The following NRXN3 variants were observed in gnomAD, a reference collection of about 807,000 sequenced individuals.
The protein encoded by NRXN3 is neurexin III.
In NRXN3, 32 loss-of-function variants were observed where a neutral mutation model predicts 137.6. The ratio of observed to expected loss-of-function variants is 0.23; its 90% CI spans 0.18 to 0.31. The LOEUF is 0.31. NRXN3 is among the 10% of genes least tolerant of loss of function. The pLI, the probability that NRXN3 is intolerant of heterozygous loss-of-function variation, is 1.00. For synonymous variants in NRXN3, 798 were observed against 784.5 expected, an observed-to-expected ratio of 1.02 and a Z score of -0.29; for missense variants, 1,574 against 2,062.5, an observed-to-expected ratio of 0.76 and a Z score of 4.59.
At chr14:78,735,408 C>T (rs1173560013) in intron 8 of NRXN3, among the ~76,000 whole-genome samples, 2 of 152,038 alleles carry the variant, frequency 1.3e-5, no homozygotes, top group African/African-American at 4.8e-5. Flanking sequence ...GGAAATAACC[C>T]CTGGAGTCTG....
At chr14:79,118,473 T>G (rs2054845459) in intron 15 of NRXN3, among the ~76,000 whole-genome samples, 2 of 152,110 alleles carry the variant, frequency 1.3e-5, no homozygotes, top group Admixed American at 6.5e-5. Context: ...CTCAGAGCAC[T>G]TTTTTTTCTT....
intron 1 of NRXN3, among the ~76,000 whole-genome samples, chr14:78,209,494 C>A (rs949448064): frequency 6.6e-6 from 1 of 152,166 alleles, no homozygotes; most frequent in Non-Finnish European, 1.5e-5. Context: ...AATTGACTTA[C>A]AGTTCGGCAT....
At chr14:78,449,358 A>G (rs1231386545) in intron 4 of NRXN3, among the ~76,000 whole-genome samples, 1 of 152,178 alleles carries the variant, frequency 6.6e-6, no homozygotes, top group Non-Finnish European at 1.5e-5. Flanking sequence ...GACCACAGTC[A>G]CAAGCCACCA....
At chr14:78,558,584 A>T (rs1365179363) in intron 4 of NRXN3, among the ~76,000 whole-genome samples, 1 of 152,064 alleles carries the variant, frequency 6.6e-6, no homozygotes, top group Non-Finnish European at 1.5e-5. Flanking sequence ...TACTTCCTTT[A>T]GGGGGCATCT....
At chr14:79,817,486 C>T (rs2099255308) in intron 20 of NRXN3, among the ~76,000 whole-genome samples, 1 of 152,202 alleles carries the variant, frequency 6.6e-6, no homozygotes. Context: ...ATTAGCACTT[C>T]CTTTAGTGAA....
At chr14:78,785,671 G>A (rs1412255454) in intron 8 of NRXN3, among the ~76,000 whole-genome samples, 1 of 152,160 alleles carries the variant, frequency 6.6e-6, no homozygotes, top group Non-Finnish European at 1.5e-5. Context: ...GTAGTAGCCT[G>A]CGTATGATGC....
At chr14:79,811,951 GTGCTTT>G (rs2099235466) in intron 20 of NRXN3, among the ~76,000 whole-genome samples, 2 of 152,030 alleles carry the variant, frequency 1.3e-5, no homozygotes, top group African/African-American at 4.8e-5. Flanking sequence ...CAGTAACTAT[GTGCTTT>G]TAAAATCCTT....
intron 4 of NRXN3, among the ~76,000 whole-genome samples, chr14:78,605,998 G>T (rs1451939283): frequency 6.6e-6 from 1 of 152,076 alleles, no homozygotes; most frequent in African/African-American, 2.4e-5. Context: ...TGTGAAGAAG[G>T]ATAGATGATG....
chr14:78,852,595 T>C (rs912787838), intron 10 of NRXN3, among the ~76,000 whole-genome samples: 3 of 152,224 alleles, frequency 2.0e-5, no homozygotes, highest in African/African-American at 7.2e-5. Flanking sequence ...TATGTTCATA[T>C]GTTTTTACAT....
chr14:79,751,299 T>G (rs1029725560), intron 19 of NRXN3, among the ~76,000 whole-genome samples: 5 of 152,196 alleles, frequency 3.3e-5, no homozygotes, highest in Admixed American at 6.5e-5. Flanking sequence ...CCCTTGTAAG[T>G]TGGATTCCTA....
intron 19 of NRXN3, among the ~76,000 whole-genome samples, chr14:79,708,510 T>TA (rs397802151): frequency 2.6e-5 from 4 of 151,698 alleles, no homozygotes; most frequent in African/African-American, 9.7e-5. Context: ...TTTTTTTTTT[T>TA]CTGAAAATAT....
chr14:78,178,391 G>A (rs2059469098), intron 1 of NRXN3, among the ~76,000 whole-genome samples: 1 of 152,218 alleles, frequency 6.6e-6, no homozygotes, highest in Admixed American at 6.5e-5. Flanking sequence ...GAGTAATGCT[G>A]CTGGTTGTCT....
intron 4 of NRXN3, among the ~76,000 whole-genome samples, chr14:78,330,368 GT>G (rs1005203432): frequency 3.0e-4 from 45 of 151,674 alleles, no homozygotes; most frequent in East Asian, 2.1e-3. Context: ...TCCTTCTGGT[GT>G]TTTTTTCCTC....
At chr14:79,325,332 G>A (rs2090691039) in intron 15 of NRXN3, among the ~76,000 whole-genome samples, 1 of 152,126 alleles carries the variant, frequency 6.6e-6, no homozygotes, top group Non-Finnish European at 1.5e-5. Flanking sequence ...GTATTGACAA[G>A]GTGACAGAGA....
At chr14:78,392,536 C>T (rs1317391953) in intron 4 of NRXN3, among the ~76,000 whole-genome samples, 1 of 152,126 alleles carries the variant, frequency 6.6e-6, no homozygotes, top group African/African-American at 2.4e-5. Context: ...TTATGCTGCC[C>T]TGGGTCCTGG....
intron 15 of NRXN3, among the ~76,000 whole-genome samples, chr14:79,273,061 A>G (rs1038335083): frequency 8.6e-5 from 13 of 150,906 alleles, no homozygotes; most frequent in Non-Finnish European, 1.6e-4. Context: ...AATTCCCGCT[A>G]CTCGGGAGGA....
intron 17 of NRXN3, among the ~76,000 whole-genome samples, chr14:79,672,752 G>A (rs905834108): frequency 8.6e-5 from 13 of 152,036 alleles, no homozygotes; most frequent in Non-Finnish European, 1.3e-4. Flanking sequence ...ACCCTGTACC[G>A]TTTTTCCTCT....
chr14:78,722,025 G>C (rs1443085109), intron 8 of NRXN3, among the ~76,000 whole-genome samples: 1 of 151,822 alleles, frequency 6.6e-6, no homozygotes, highest in Non-Finnish European at 1.5e-5. Context: ...CATAGTACAT[G>C]AACCCTAGCT....
intron 19 of NRXN3, among the ~76,000 whole-genome samples, chr14:79,716,438 C>T (rs917643474): frequency 2.6e-5 from 4 of 152,164 alleles, no homozygotes; most frequent in Admixed American, 1.3e-4. Context: ...TTAGCATGTA[C>T]ATTTGTCTAG....
Sources: allele counts gnomAD v4.1 joint callset (sites outside exome capture counted in the v4.1 genomes callset), GRCh38; gene constraint gnomAD v4.1.1; transcripts MANE v1.5; gene names NCBI Gene and HGNC (gene_info 2026-07-23, HGNC 2026-07-21).